SEMA3A: variants seen among roughly 807,000 people sequenced by gnomAD.
SEMA3A encodes semaphorin-3A.
In SEMA3A, 29 loss-of-function variants were observed where a neutral mutation model predicts 97.9. That is an observed-to-expected ratio of 0.30 (90% CI 0.22 to 0.40). The LOEUF is 0.40. Among genes scored for constraint, SEMA3A ranks in the 10% least tolerant of loss-of-function variants. SEMA3A has a pLI of 1.00. For synonymous variants in SEMA3A, 321 were observed against 323.7 expected (o/e 0.99, Z 0.09); for missense variants, 763 against 951.3 (o/e 0.80, Z 2.60).
At chr7:84,263,801 A>G (rs77359061) in intron 3 of SEMA3A, among the ~76,000 whole-genome samples, 6,876 of 152,250 alleles carry the variant, frequency 0.045, 533 homozygotes, top group African/African-American at 0.16. Context: ...TTAGGTATAC[A>G]TGATAATCAT....
At chr7:84,418,363 G>A (rs754553463) in intron 1 of SEMA3A, among the ~76,000 whole-genome samples, 13 of 152,038 alleles carry the variant, frequency 8.6e-5, no homozygotes, top group Non-Finnish European at 1.9e-4. Flanking sequence ...CAGATCTCAT[G>A]AGACTTATTC....
At chr7:84,044,167 G>T (rs1792252255) in intron 6 of SEMA3A, among the ~76,000 whole-genome samples, 1 of 115,500 alleles carries the variant, frequency 8.7e-6, no homozygotes, top group Non-Finnish European at 2.1e-5. Flanking sequence ...AGATAGAAAT[G>T]TTAAGAGAGT....
At chr7:84,392,388 A>G (rs1803603184) in intron 1 of SEMA3A, among the ~76,000 whole-genome samples, 1 of 152,138 alleles carries the variant, frequency 6.6e-6, no homozygotes, top group Non-Finnish European at 1.5e-5. Context: ...GTTGTTGCAA[A>G]TGATAAGGTA....
At chr7:84,085,676 T>A (rs1238357523) in intron 4 of SEMA3A, among the ~76,000 whole-genome samples, 1 of 152,204 alleles carries the variant, frequency 6.6e-6, no homozygotes, top group Non-Finnish European at 1.5e-5. Context: ...AAAATTAATT[T>A]CCTCTAAAAC....
At chr7:84,429,185 C>T (rs1186371665) in intron 1 of SEMA3A, among the ~76,000 whole-genome samples, 1 of 151,850 alleles carries the variant, frequency 6.6e-6, no homozygotes, top group Non-Finnish European at 1.5e-5. Context: ...TTTATTTATG[C>T]CTACATCAAA....
At chr7:84,214,982 G>A (rs1043490023) in intron 3 of SEMA3A, among the ~76,000 whole-genome samples, 1 of 150,990 alleles carries the variant, frequency 6.6e-6, no homozygotes, top group Non-Finnish European at 1.5e-5. Flanking sequence ...GATTATAGGC[G>A]TGAGCTACCA....
rs114503453 is a variant in SEMA3A at position 84,259,298 on chromosome 7, G to A, written c.-83+47909C>T. ...AGAGAGTTTTGTTTCTTCTATACTT[G>A]TTCTGAATAGTATGCCACCTCCAGG... On this transcript the variant is annotated intron_variant, in intron 3 of 3. Coordinates refer to the SEMA3A transcript ENST00000424555. Among the ~76,000 whole-genome samples the A allele has an allele frequency of 7.7e-3, 1,177 of 152,142 alleles. 12 individuals are homozygous for A. Among genetic ancestry groups the A allele is most frequent in the African/African-American group, 0.027 (1,124 of 41,520 alleles).
chr7:84,200,989 A>G (rs912644592), intron 3 of SEMA3A, among the ~76,000 whole-genome samples: 1 of 152,024 alleles, frequency 6.6e-6, no homozygotes, highest in Non-Finnish European at 1.5e-5. Flanking sequence ...ATATTAACTT[A>G]TTAGCTGTTT....
At chr7:83,972,522 A>C (rs1435147696) in intron 15 of SEMA3A, among the ~76,000 whole-genome samples, 2 of 152,106 alleles carry the variant, frequency 1.3e-5, no homozygotes, top group Admixed American at 1.3e-4. Flanking sequence ...ACTTTAAAAA[A>C]TCAGGAAACA....
At chr7:84,178,197 C>T (rs1381353755) in intron 1 of SEMA3A, among the ~76,000 whole-genome samples, 2 of 152,120 alleles carry the variant, frequency 1.3e-5, no homozygotes, top group Non-Finnish European at 2.9e-5. Flanking sequence ...CTTGTTCCTT[C>T]GATCCACAGC....
intron 1 of SEMA3A, among the ~76,000 whole-genome samples, chr7:84,463,237 CTTTTTTTTTTTTTTTTTTT>C (rs59465422): frequency 1.4e-5 from 1 of 71,350 alleles, no homozygotes; most frequent in Admixed American, 1.3e-4. Context: ...TGTAACTATT[CTTTTTTTTTTTTTTTTTTT>C]TTTTTTTTTT....
At chr7:84,225,578 T>G (rs1798971267) in intron 3 of SEMA3A, among the ~76,000 whole-genome samples, 1 of 152,066 alleles carries the variant, frequency 6.6e-6, no homozygotes, top group Non-Finnish European at 1.5e-5. Flanking sequence ...GGAGGCTCTG[T>G]TTATAAACTA....
At chr7:84,045,196 T>C (rs1379128948) in intron 6 of SEMA3A, among the ~76,000 whole-genome samples, 1 of 151,988 alleles carries the variant, frequency 6.6e-6, no homozygotes, top group East Asian at 1.9e-4. Flanking sequence ...GTTCCTGGAA[T>C]AAGGCAGGAA....
chr7:84,417,201 T>C (rs1804460567), intron 1 of SEMA3A, among the ~76,000 whole-genome samples: 1 of 152,094 alleles, frequency 6.6e-6, no homozygotes, highest in South Asian at 2.1e-4. Context: ...TAGTACAAAA[T>C]TATTTCAGAT....
chr7:84,040,522 G>A (rs986834755), intron 6 of SEMA3A, among the ~76,000 whole-genome samples: 3 of 152,012 alleles, frequency 2.0e-5, no homozygotes, highest in Admixed American at 6.6e-5. Context: ...TCAAGCTGCC[G>A]CCAGAAACTA....
intron 1 of SEMA3A, among the ~76,000 whole-genome samples, chr7:84,409,730 A>G (rs970299821): frequency 6.6e-6 from 1 of 152,160 alleles, no homozygotes; most frequent in African/African-American, 2.4e-5. Context: ...TGTTTTCTCA[A>G]TCACTGACTT....
intron 1 of SEMA3A, among the ~76,000 whole-genome samples, chr7:84,438,107 G>T (rs918399899): frequency 1.3e-5 from 2 of 151,948 alleles, no homozygotes; most frequent in Non-Finnish European, 2.9e-5. Flanking sequence ...AGACTAGGGG[G>T]TATGCTTTAT....
intron 6 of SEMA3A, 73 bp from the exon 7 acceptor site, chr7:84,014,424 T>C: frequency 2.4e-6 from 3 of 1,225,876 alleles, no homozygotes; most frequent in Non-Finnish European, 3.4e-6. Flanking sequence ...AGTCCATTTT[T>C]ACTTTTTTTA....
At chr7:84,184,195 A>T (rs560122432) in intron 1 of SEMA3A, among the ~76,000 whole-genome samples, 176 of 152,068 alleles carry the variant, frequency 1.2e-3, no homozygotes, top group African/African-American at 3.4e-3. Context: ...CGTTTTTTTT[A>T]AAAAAATCAT....
Sources: gnomAD v4.1 joint callset for allele counts (sites outside exome capture counted in the v4.1 genomes callset) on GRCh38, gnomAD v4.1.1 for gene constraint, MANE v1.5 for transcripts, NCBI Gene and HGNC (gene_info 2026-07-23, HGNC 2026-07-21) for gene names.